The following LHX9 variants were observed in gnomAD, a reference collection of about 807,000 sequenced individuals.
LHX9 encodes LIM homeobox 9.
A neutral mutation model predicts 36.5 loss-of-function variants in LHX9; 9 were observed. The ratio of observed to expected loss-of-function variants is 0.25; its 90% CI spans 0.15 to 0.43. The LOEUF (loss-of-function observed/expected upper bound fraction) is 0.43. Ranked by LOEUF, LHX9 falls within the 20% of genes least tolerant of loss-of-function variation. The pLI is 1.00. For synonymous variants in LHX9, 211 were observed against 212.1 expected, an observed-to-expected ratio of 0.99 and a Z score of 0.04; for missense variants, 464 against 526.4, an observed-to-expected ratio of 0.88 and a Z score of 1.16.
Position 197,917,574 on chromosome 1 carries a change from T to A in LHX9, c.-250T>A, listed in dbSNP as rs1194942795. 6.7e-7 allele frequency: 1 copy of A among 1,493,392 alleles called. No individual in the cohort carries two copies. The highest frequency in any genetic ancestry group is 9.0e-7 in the Non-Finnish European group (1 of 1,113,832). 92.5% of individuals were successfully genotyped at this position (1,493,392 alleles called of 1,614,324 possible). On this transcript the variant is annotated 5_prime_UTR_variant, in exon 1 of 5. Transcript: ENST00000367387. Reference sequence around the variant, plus strand: ...TTCGCCTTCTACGCCTCTTTTTCCCTCCGCCCGAATTGTTTGTTTTCTGCA... The same window carrying A: ...TTCGCCTTCTACGCCTCTTTTTCCCACCGCCCGAATTGTTTGTTTTCTGCA...
Position 197,927,740 on chromosome 1 carries a change from A to C in LHX9, c.883A>C (p.Lys295Gln). 1 of 1,614,230 alleles carries C rather than the reference A, an allele frequency of 6.2e-7. No homozygotes were observed. Among genetic ancestry groups the C allele is most frequent in the Non-Finnish European group, 8.5e-7 (1 of 1,180,030 alleles). Reference protein sequence around the residue: ...YFAINHNPDAKDLKQLAQKTG... With the variant: ...YFAINHNPDAQDLKQLAQKTG... Reference sequence around the variant, plus strand: ...TGCCATCAACCACAACCCGGATGCCAAGGACCTCAAGCAGCTTGCCCAGAA... The same window carrying C: ...TGCCATCAACCACAACCCGGATGCCCAGGACCTCAAGCAGCTTGCCCAGAA... Residue 295 changes from lysine to glutamine, a missense_variant, in exon 4 of 5, where the codon AAG becomes CAG. This residue lies in a region of LHX9 where 20 missense variants were observed against 67.0 expected (regional missense o/e 0.30). Coordinates refer to ENST00000367387, the MANE Select transcript of LHX9 (RefSeq NM_020204.3).
upstream of LHX9, chr1:197,912,588 G>T: frequency 6.2e-7 from 1 of 1,612,752 alleles, no homozygotes. Context: ...TCCTTCTGAT[G>T]TTCTCTGCCC....
chr1:197,920,002 G>A lies in LHX9; in HGVS notation c.205G>A (p.Ala69Thr). 1 of 1,614,178 alleles carries A rather than the reference G, an allele frequency of 6.2e-7. No individual in the cohort carries two copies. Among genetic ancestry groups the A allele is most frequent in the Admixed American group, 1.7e-5 (1 of 60,036 alleles). Residue 69 changes from alanine (A) to threonine (T), a missense_variant, in exon 2 of 5, where the codon GCC (alanine) becomes ACC (threonine). Physicochemically the swap from Ala to Thr is moderately conservative, Grantham distance 58. Coordinates refer to ENST00000367387, the MANE Select transcript of LHX9 (RefSeq NM_020204.3). ...GMPPLSPEKP[A>T]LCAGCGGKIS... Reference sequence around the variant, plus strand: ...GCCCCCGCTCAGCCCGGAGAAGCCCGCCCTGTGCGCCGGCTGCGGGGGCAA... The same window carrying A: ...GCCCCCGCTCAGCCCGGAGAAGCCCACCCTGTGCGCCGGCTGCGGGGGCAA...
Position 197,930,157 on chromosome 1 carries a change from T to G in LHX9, c.*898T>G. On this transcript the variant is annotated 3_prime_UTR_variant, in exon 5 of 5. Transcript: ENST00000367387. ...ATCAATATAATTTAATTAATAGCTCTATTAATTGGCTTCAGCTGTACCATG... is the reference window on the plus strand; with the variant it reads ...ATCAATATAATTTAATTAATAGCTCGATTAATTGGCTTCAGCTGTACCATG... 10 of 695,762 alleles carry G rather than the reference T, an allele frequency of 1.4e-5. No homozygotes were observed. Among genetic ancestry groups the G allele is most frequent in the African/African-American group, 1.9e-5 (1 of 51,664 alleles). 43.1% of individuals were successfully genotyped at this position (695,762 alleles called of 1,614,324 possible).
Position 197,930,563 on chromosome 1 carries a change from G to A in LHX9, c.*1304G>A, listed in dbSNP as rs1660302950. On this transcript the variant is annotated 3_prime_UTR_variant, in exon 5 of 5. Coordinates refer to ENST00000367387, the MANE Select transcript of LHX9 (RefSeq NM_020204.3). ...GATATATGTCTTGCTTTAGTGGATTGTTAAGAATAACTTTGCACATATTTT... is the reference window on the plus strand; with the variant it reads ...GATATATGTCTTGCTTTAGTGGATTATTAAGAATAACTTTGCACATATTTT... 6.6e-6 allele frequency: 1 copy of A among 151,992 alleles called. No homozygotes were observed. The highest frequency in any genetic ancestry group is 2.4e-5 in the African/African-American group (1 of 41,422). The allele number at this position is 151,992 out of a possible 1,614,324, so 9.4% of individuals were successfully genotyped here.
At chr1:197,916,733 G>A, upstream of LHX9, 1 of 702,904 alleles carries the variant, frequency 1.4e-6, no homozygotes, top group South Asian at 1.5e-5. Flanking sequence ...ATCTAGTAGG[G>A]TCTCCGGCCC....
Position 197,921,803 on chromosome 1 carries a change from G to C in LHX9, c.733+144G>C. The C allele has an allele frequency of 1.4e-6, 1 of 711,562 alleles. No individual in the cohort carries two copies. Among genetic ancestry groups the C allele is most frequent in the Admixed American group, 3.0e-5 (1 of 33,586 alleles). The allele number at this position is 711,562 out of a possible 1,614,324, so 44.1% of individuals were successfully genotyped here. A position where few individuals can be genotyped will look rare whatever the true frequency, so the allele number is the denominator to read the frequency against. On this transcript the variant is annotated intron_variant, in intron 3 of 4. Coordinates refer to ENST00000367387, the MANE Select transcript of LHX9 (RefSeq NM_020204.3). The surrounding 1 kb of genome is among the most constrained non-coding windows in gnomAD (Gnocchi z 4.6). ...CACTGCAACTCCCTCTCACTCTGAAGGAAGGGAGAGAGGGAGGAGGAGGGG... is the reference window on the plus strand; with the variant it reads ...CACTGCAACTCCCTCTCACTCTGAACGAAGGGAGAGAGGGAGGAGGAGGGG...
Position 197,921,679 on chromosome 1 carries a change from C to A in LHX9, c.733+20C>A, listed in dbSNP as rs778838501. The A allele has an allele frequency of 1.3e-6, 2 of 1,534,234 alleles. No homozygotes were observed. The highest frequency in any genetic ancestry group is 3.7e-5 in the Admixed American group (2 of 54,012). ...ACTCAGGTGTGCCTCCTATCCTCAC[C>A]CCCGGCGCAGCCCCGGCCTCCCTGA... On this transcript the variant is annotated intron_variant, in intron 3 of 4. Coordinates refer to ENST00000367387, the MANE Select transcript of LHX9 (RefSeq NM_020204.3). This position sits in a 1 kb window ranked among gnomAD's most constrained non-coding sequence, Gnocchi z 4.6.
upstream of LHX9, chr1:197,915,907 C>T (rs1438834726): frequency 6.6e-6 from 1 of 152,200 alleles, no homozygotes; most frequent in Admixed American, 6.6e-5. Flanking sequence ...CTCCCGTCAT[C>T]TTTCTAGCTT....
chr1:197,918,809 G>GT (rs1659871843), intron 1 of LHX9: 6 of 86,444 alleles, frequency 6.9e-5, no homozygotes, highest in Non-Finnish European at 1.5e-4. Flanking sequence ...GGGGGGGGGG[G>GT]GACTACAGAA....
rs1423092662 is a variant in LHX9, at chr1:197,917,892, C to G, written c.69C>G (p.His23Gln). 6.2e-7 allele frequency: 1 copy of G among 1,614,212 alleles called. No homozygotes were observed. Among genetic ancestry groups the G allele is most frequent in the East Asian group, 2.2e-5 (1 of 44,874 alleles). ...CPFRPPAMLF[H>Q]GISGGHIQGI... ...TCCGCCCCCCAGCCATGCTCTTTCA[C>G]GGGATCTCCGGAGGCCACATCCAAG... Residue 23 changes from histidine to glutamine, a missense_variant, in exon 1 of 5, where the codon CAC (histidine) becomes CAG (glutamine). Around this residue, in one of 5 missense-constraint regions of LHX9, gnomAD observed 119 missense variants for 102.4 expected, o/e 1.16. Transcript: ENST00000367387.
intron 3 of LHX9, among the ~76,000 whole-genome samples, chr1:197,925,549 A>G (rs1660119088): frequency 1.3e-5 from 2 of 152,070 alleles, no homozygotes; most frequent in African/African-American, 2.4e-5. Context: ...GGGTATATTT[A>G]TAATCTGGTT....
upstream of LHX9, chr1:197,913,328 T>C (rs1409229405): frequency 2.0e-5 from 3 of 152,362 alleles, no homozygotes; most frequent in East Asian, 5.8e-4. Flanking sequence ...AGCGAAAGGC[T>C]GGCAAGGGTG....
chr1:197,934,638 A>G lies in LHX9; in HGVS notation c.*5379A>G, dbSNP rs1460441453. On this transcript the variant is annotated 3_prime_UTR_variant, in exon 5 of 5. Transcript: ENST00000367387. Reference sequence around the variant, plus strand: ...ATATCATTGAATTTTCTTTGAAAGCATATATATAGATAAACTCTGGATTGG... The same window carrying G: ...ATATCATTGAATTTTCTTTGAAAGCGTATATATAGATAAACTCTGGATTGG... 1 of 152,116 alleles carries G rather than the reference A, an allele frequency of 6.6e-6. No individual in the cohort carries two copies. The highest frequency in any genetic ancestry group is 1.5e-5 in the Non-Finnish European group (1 of 68,010). 9.4% of individuals were successfully genotyped at this position (152,116 alleles called of 1,614,324 possible).
At chr1:197,917,275 T>C (rs1302466530), upstream of LHX9, 1 of 1,220,518 alleles carries the variant, frequency 8.2e-7, no homozygotes, top group African/African-American at 1.6e-5. Flanking sequence ...TGAATAAAAA[T>C]CCGTGGCAGC....
chr1:197,917,661 CT>C lies in LHX9; in HGVS notation c.-162del. On this transcript the variant is annotated 5_prime_UTR_variant, in exon 1 of 5. Coordinates refer to ENST00000367387, the MANE Select transcript of LHX9 (RefSeq NM_020204.3). The stretch of plus-strand genomic sequence containing the variant: ...CTCTTCCCAGTTCTTTTTGCTTCCC[CT>C]CGGCCCCCCAAGCAGACCGATTTCC... 1 of 1,531,836 alleles carries C rather than the reference CT, an allele frequency of 6.5e-7. No homozygotes were observed. The highest frequency in any genetic ancestry group is 8.7e-7 in the Non-Finnish European group (1 of 1,144,708). 94.9% of individuals were successfully genotyped at this position (1,531,836 alleles called of 1,614,324 possible).
At chr1:197,916,104 C>A (rs879112948), upstream of LHX9, 1 of 152,424 alleles carries the variant, frequency 6.6e-6, no homozygotes, top group Non-Finnish European at 1.5e-5. Flanking sequence ...GGCGCGTCCT[C>A]CTCTCTGGGT....
intron 4 of LHX9, among the ~76,000 whole-genome samples, chr1:197,928,507 G>GT (rs1470872980): frequency 1.3e-5 from 2 of 152,252 alleles, no homozygotes; most frequent in South Asian, 2.1e-4. Flanking sequence ...GGCCCTGGGA[G>GT]TTTTTTCTAT....
Position 197,927,610 on chromosome 1 carries a change from A to G in LHX9, c.753A>G (p.Ala251=). The part of the protein sequence containing the change: ...NYNSGCNENE[A]DHLDRDQQPY... ...CAACAGGTTGTAATGAGAATGAGGCAGACCACTTGGACCGGGACCAGCAGC... is the reference window on the plus strand; with the variant it reads ...CAACAGGTTGTAATGAGAATGAGGCGGACCACTTGGACCGGGACCAGCAGC... The change falls in exon 4 of 5, where the codon GCA becomes GCG. Residue 251 remains alanine, a synonymous_variant. Coordinates refer to ENST00000367387, the MANE Select transcript of LHX9 (RefSeq NM_020204.3). 4.3e-6 allele frequency: 7 copies of G among 1,614,200 alleles called. No individual in the cohort carries two copies. The highest frequency in any genetic ancestry group is 5.9e-6 in the Non-Finnish European group (7 of 1,180,026).
Sources: allele counts gnomAD v4.1 joint callset (sites outside exome capture counted in the v4.1 genomes callset), GRCh38; gene constraint gnomAD v4.1.1; regional missense constraint gnomAD v4.1.1; non-coding constraint Gnocchi (gnomAD v3.1); transcripts MANE v1.5; gene names NCBI Gene and HGNC (gene_info 2026-07-23, HGNC 2026-07-21).